Variants in GON4L observed in about 807,000 individuals in gnomAD.
GON4L encodes the protein gon-4 like, also known as GON-4-like protein.
In GON4L, 87 loss-of-function variants were observed where a neutral mutation model predicts 211.8. That is an observed-to-expected ratio of 0.41 (90% confidence interval 0.35 to 0.49). GON4L has a LOEUF of 0.49. Ranked by LOEUF, GON4L falls within the 20% of genes least tolerant of loss-of-function variation. The probability of loss-of-function intolerance (pLI) is 0.15; values close to 1 mark genes in which losing one functional copy is unlikely to be tolerated. For missense variants in GON4L, 2,155 were observed against 2,659.5 expected (o/e 0.81, Z 4.17); for synonymous variants, 875 against 962.6 (o/e 0.91, Z 1.68).
At chr1:155,812,658 C>A (rs1309752497) in intron 10 of GON4L, among the ~76,000 whole-genome samples, 1 of 151,634 alleles carries the variant, frequency 6.6e-6, no homozygotes, top group South Asian at 2.1e-4. Flanking sequence ...CGGGTTCAAG[C>A]GATTCTCCTG....
In GON4L at chr1:155,752,200, A is replaced by G; in HGVS notation, c.6233T>C (p.Leu2078Pro). 1 of 1,613,558 alleles carries G rather than the reference A, an allele frequency of 6.2e-7. No homozygotes were observed. Among genetic ancestry groups the G allele is most frequent in the Non-Finnish European group, 8.5e-7 (1 of 1,179,668 alleles). ...SGKPDTQERWLPSSRARVKTR... is the reference protein window; with the variant it reads ...SGKPDTQERWPPSSRARVKTR... ...CTTCACCCGAGCTCTGCTTGAGGGC[A>G]GCCATCTCTCTTGAGTGTCTGGTTT... The change falls in exon 30 of 32, where the codon CTG (leucine) becomes CCG (proline). Residue 2078 changes from leucine to proline, a missense_variant. Transcript: ENST00000368331.
chr1:155,813,875 AAAAG>A, intron 9 of GON4L, 71 bp from the exon 10 acceptor site: 3 of 1,312,764 alleles, frequency 2.3e-6, no homozygotes, highest in Non-Finnish European at 3.3e-6. Flanking sequence ...AAAAAGGAAA[AAAAG>A]AGAGGGAAAA....
Position 155,752,336 on chromosome 1 carries a change from A to G in GON4L, c.6097T>C (p.Trp2033Arg), listed in dbSNP as rs1034876965. Residue 2033 changes from tryptophan (W) to arginine (R), a missense_variant, in exon 30 of 32, where the codon TGG becomes CGG. Around this residue, in one of 6 missense-constraint regions of GON4L, gnomAD observed 186 missense variants for 308.1 expected, o/e 0.60. Transcript: ENST00000368331. ...AATTTCTCAGTTTCTGATGCATCCC[A>G]GACCAGCATCAAAGCCTCTGACTCA... ...VSESEALMLV[W>R]DASETEKLPG... 4.4e-6 allele frequency: 7 copies of G among 1,597,206 alleles called. No individual in the cohort carries two copies. The highest frequency in any genetic ancestry group is 6.0e-6 in the Non-Finnish European group (7 of 1,166,166).
intron 3 of GON4L, among the ~76,000 whole-genome samples, chr1:155,824,483 G>T (rs551883530): frequency 7.2e-6 from 1 of 139,318 alleles, no homozygotes; most frequent in East Asian, 2.1e-4. Context: ...GGTGGCTCAT[G>T]CCTGTAATCC....
chr1:155,751,665 ACTT>A (rs1198492132), intron 31 of GON4L, 99 bp downstream of exon 31: 1 of 788,190 alleles, frequency 1.3e-6, no homozygotes, highest in Non-Finnish European at 2.2e-6. Context: ...TACAAAAACC[ACTT>A]ATTATCTTGG....
At chr1:155,838,156 G>A (rs1670476812) in intron 2 of GON4L, among the ~76,000 whole-genome samples, 1 of 152,076 alleles carries the variant, frequency 6.6e-6, no homozygotes, top group Non-Finnish European at 1.5e-5. Flanking sequence ...AGCTACTCAG[G>A]AGGCTGAGGT....
rs763166103 is a variant in GON4L, at chr1:155,853,445, G to A, written c.336C>T (p.His112=). The stretch of plus-strand genomic sequence containing the variant: ...CTTTACCAATGTGTATATTAAGGGG[G>A]TGAAAAGACTCCAAGGAAGGTAGGG... ...GITLPSLESF[H]PLNIHIGKGK... The change falls in exon 2 of 32, where the codon CAC becomes CAT. Residue 112 remains histidine (H), a synonymous_variant. Coordinates refer to ENST00000368331, the MANE Select transcript of GON4L (RefSeq NM_001282860.2). 2 of 1,614,042 alleles carry A rather than the reference G, an allele frequency of 1.2e-6. No individual in the cohort carries two copies. Among genetic ancestry groups the A allele is most frequent in the Admixed American group, 1.7e-5 (1 of 60,008 alleles).
intron 14 of GON4L, among the ~76,000 whole-genome samples, chr1:155,780,673 C>G (rs1051017766): frequency 6.6e-6 from 1 of 152,162 alleles, no homozygotes; most frequent in African/African-American, 2.4e-5. Context: ...CACCCCTACC[C>G]TCCTGAGAGA....
chr1:155,815,777 C>T (rs770153738), intron 8 of GON4L, 28 bp downstream of exon 8: 149 of 1,246,150 alleles, frequency 1.2e-4, no homozygotes, highest in Admixed American at 9.3e-4. Context: ...TCTATTAAGA[C>T]AAATATTACC....
chr1:155,798,712 C>T (rs548741488), intron 11 of GON4L, among the ~76,000 whole-genome samples: 10 of 150,964 alleles, frequency 6.6e-5, no homozygotes, highest in African/African-American at 2.2e-4. Context: ...AGAGACACTG[C>T]GCCTGATCAA....
chr1:155,748,195 C>T, downstream of GON4L: 2 of 1,454,332 alleles, frequency 1.4e-6, no homozygotes, highest in South Asian at 2.6e-5. Flanking sequence ...CAGTCAGTCG[C>T]TGTCTGTACT....
intron 12 of GON4L, among the ~76,000 whole-genome samples, chr1:155,790,621 C>A (rs1433389762): frequency 2.0e-5 from 3 of 151,892 alleles, no homozygotes; most frequent in Non-Finnish European, 4.4e-5. Flanking sequence ...GAAACCCGCA[C>A]ATATGAAAGG....
intron 23 of GON4L, among the ~76,000 whole-genome samples, chr1:155,761,285 ATCCT>A (rs1661773709): frequency 1.4e-5 from 2 of 146,766 alleles, no homozygotes; most frequent in Non-Finnish European, 3.0e-5. Context: ...GGCCCAAGTG[ATCCT>A]CCCACCTCAG....
At chr1:155,820,679 G>A in intron 5 of GON4L, 23 bp from the exon 6 acceptor site, 2 of 1,570,366 alleles carry the variant, frequency 1.3e-6, no homozygotes, top group Non-Finnish European at 1.8e-6. Context: ...AAACAGAAAG[G>A]AAATCCTCAA....
In GON4L at chr1:155,814,469, C is replaced by T. The variant is rs200856150; in HGVS notation, c.1162-20G>A. On this transcript the variant is annotated intron_variant, in intron 8 of 31. Coordinates refer to ENST00000368331, the MANE Select transcript of GON4L (RefSeq NM_001282860.2). ...TAAGCTCTACAAAATAAATCCAGTT[C>T]GCCTTAATATTTATGCCCCTACCTC... is the stretch of plus-strand genomic sequence containing the variant. The T allele has an allele frequency of 1.8e-4, 290 of 1,612,138 alleles. 3 individuals are homozygous for T. The highest frequency in any genetic ancestry group is 1.4e-3 in the South Asian group (123 of 91,024).
Position 155,805,195 on chromosome 1 carries a change from C to T in GON4L, c.1453-54G>A. On this transcript the variant is annotated intron_variant, in intron 10 of 31. Transcript: ENST00000368331. ...AGTGAGTGATGTTTCCAAACCTCAT[C>T]ATCACTCCTTTTCTTCTCATCTTAG... The T allele has an allele frequency of 3.5e-6, 4 of 1,138,794 alleles. No homozygotes were observed. The South Asian group carries it at 3.7e-5, about 10-fold the overall frequency. The allele number at this position is 1,138,794 out of a possible 1,614,324, so 70.5% of individuals were successfully genotyped here. A position where few individuals can be genotyped will look rare whatever the true frequency, so the allele number is the denominator to read the frequency against.
chr1:155,834,343 C>T (rs1571898674), intron 2 of GON4L, among the ~76,000 whole-genome samples: 1 of 152,248 alleles, frequency 6.6e-6, no homozygotes, highest in African/African-American at 2.4e-5. Context: ...GTTGTTCCTT[C>T]TCTGTTATCT....
At chr1:155,821,337 A>T in intron 5 of GON4L, 137 bp downstream of exon 5, 1 of 452,732 alleles carries the variant, frequency 2.2e-6, no homozygotes. Context: ...ATTACCAAGT[A>T]ATTCTTATGT....
At chr1:155,748,933 G>A (rs1660358324), downstream of GON4L, 1 of 865,894 alleles carries the variant, frequency 1.2e-6, no homozygotes, top group Non-Finnish European at 1.8e-6. Context: ...TCTTGATCCA[G>A]CTGATGGCCT....
Sources: gnomAD v4.1 joint callset for allele counts (sites outside exome capture counted in the v4.1 genomes callset) on GRCh38, gnomAD v4.1.1 for gene constraint, gnomAD v4.1.1 regional missense constraint, MANE v1.5 for transcripts, NCBI Gene and HGNC (gene_info 2026-07-23, HGNC 2026-07-21) for gene names.